COL24A1: variants seen among roughly 807,000 people sequenced by gnomAD.
COL24A1 encodes the protein collagen alpha-1(XXIV) chain.
A neutral mutation model predicts 253.9 loss-of-function variants in COL24A1; 224 were observed. That is an observed-to-expected ratio of 0.88 (90% CI 0.79 to 0.99). The LOEUF (loss-of-function observed/expected upper bound fraction) is 0.99. Ranked by LOEUF, COL24A1 falls within the 50% of genes least tolerant of loss-of-function variation. The pLI is 0.00. For missense variants in COL24A1, 2,131 were observed against 2,068.5 expected, an observed-to-expected ratio of 1.03 and a Z score of -0.59; for synonymous variants, 685 against 673.7, an observed-to-expected ratio of 1.02 and a Z score of -0.26.
At chr1:85,761,661 C>A in intron 53 of COL24A1, 95 bp from the exon 54 acceptor site, 1 of 1,207,762 alleles carries the variant, frequency 8.3e-7, no homozygotes, top group Non-Finnish European at 1.2e-6. Context: ...AACTGCCTTT[C>A]GTGCCAGGCA....
At chr1:86,153,949 T>C (rs1653127918) in intron 1 of COL24A1, 1 of 152,112 alleles carries the variant, frequency 6.6e-6, no homozygotes, top group Non-Finnish European at 1.5e-5. Flanking sequence ...AAAGAAAGTG[T>C]CGTAAAGATC....
At chr1:85,863,902 G>C (rs1426357984) in intron 37 of COL24A1, among the ~76,000 whole-genome samples, 1 of 152,090 alleles carries the variant, frequency 6.6e-6, no homozygotes, top group South Asian at 2.1e-4. Context: ...GAAACAACAA[G>C]TGGGGGAGAG....
At chr1:85,731,353 G>A (rs1663453309) in intron 59 of COL24A1, among the ~76,000 whole-genome samples, 1 of 152,050 alleles carries the variant, frequency 6.6e-6, no homozygotes, top group African/African-American at 2.4e-5. Flanking sequence ...CTGTTATTTA[G>A]GAGCTAATTC....
chr1:85,978,754 T>C (rs1692946802), intron 20 of COL24A1, among the ~76,000 whole-genome samples: 1 of 152,186 alleles, frequency 6.6e-6, no homozygotes, highest in African/African-American at 2.4e-5. Context: ...GGGATGTTGA[T>C]ACTCTACTGA....
At chr1:85,822,633 C>T (rs531605747) in intron 45 of COL24A1, among the ~76,000 whole-genome samples, 1 of 152,288 alleles carries the variant, frequency 6.6e-6, no homozygotes, top group Admixed American at 6.5e-5. Flanking sequence ...CATAGTCAAA[C>T]TACTTTTTCC....
chr1:86,061,677 C>G (rs746786457), intron 8 of COL24A1, among the ~76,000 whole-genome samples: 1 of 152,012 alleles, frequency 6.6e-6, no homozygotes, highest in South Asian at 2.1e-4. Context: ...ATGGCATAAA[C>G]GTATTCTGAG....
chr1:85,973,343 A>T (rs1179739156), intron 20 of COL24A1, among the ~76,000 whole-genome samples: 1 of 152,192 alleles, frequency 6.6e-6, no homozygotes, highest in Non-Finnish European at 1.5e-5. Context: ...TTATTATGGC[A>T]GATGGTCCAT....
intron 24 of COL24A1, among the ~76,000 whole-genome samples, chr1:85,924,474 T>G (rs962981498): frequency 1.3e-5 from 2 of 152,098 alleles, no homozygotes; most frequent in Admixed American, 6.6e-5. Flanking sequence ...TATCCACCAT[T>G]ACCAAGTTGG....
chr1:85,743,032 C>T (rs1347516606), intron 57 of COL24A1, among the ~76,000 whole-genome samples: 1 of 152,116 alleles, frequency 6.6e-6, no homozygotes, highest in African/African-American at 2.4e-5. Flanking sequence ...GGTTTCCCTA[C>T]CTCTACCCCT....
intron 19 of COL24A1, among the ~76,000 whole-genome samples, chr1:85,994,487 G>A (rs1289215866): frequency 6.6e-6 from 1 of 151,454 alleles, no homozygotes; most frequent in Non-Finnish European, 1.5e-5. Flanking sequence ...AAGAATGTAT[G>A]CAGAGGGAGA....
intron 31 of COL24A1, among the ~76,000 whole-genome samples, chr1:85,895,364 A>G (rs1415848371): frequency 3.3e-5 from 5 of 152,198 alleles, no homozygotes; most frequent in Admixed American, 6.5e-5. Flanking sequence ...AAGGAATTCA[A>G]GTTGAGTTAA....
At chr1:85,819,439 T>C (rs1673377210) in intron 45 of COL24A1, among the ~76,000 whole-genome samples, 2 of 152,330 alleles carry the variant, frequency 1.3e-5, no homozygotes, top group East Asian at 1.9e-4. Flanking sequence ...ATATATCTGT[T>C]CTATACTTTT....
At chr1:85,971,276 A>G (rs910718572) in intron 21 of COL24A1, 64 bp downstream of exon 21, 7 of 1,412,584 alleles carry the variant, frequency 5.0e-6, no homozygotes, top group Non-Finnish European at 6.9e-6. Flanking sequence ...CCCACAATAA[A>G]TAAAAAGGGA....
At chr1:86,018,160 A>C (rs912222358) in intron 18 of COL24A1, among the ~76,000 whole-genome samples, 1 of 152,214 alleles carries the variant, frequency 6.6e-6, no homozygotes, top group Non-Finnish European at 1.5e-5. Flanking sequence ...ATGAGCTTCA[A>C]ATTTAATTTA....
chr1:85,957,494 T>C (rs1690584917), intron 24 of COL24A1, among the ~76,000 whole-genome samples: 1 of 152,220 alleles, frequency 6.6e-6, no homozygotes, highest in South Asian at 2.1e-4. Flanking sequence ...AGACAGTCTA[T>C]ATGCCATTTC....
rs891328746 is a variant in COL24A1 at position 85,909,964 on chromosome 1, C to T, written c.2656G>A (p.Glu886Lys). 5 of 1,610,186 alleles carry T rather than the reference C, an allele frequency of 3.1e-6. No individual in the cohort carries two copies. The highest frequency in any genetic ancestry group is 1.7e-4 in the Middle Eastern group (1 of 6,048). Reference sequence around the variant, plus strand: ...TGAGCTCTTACCATAACACCTTTTTCTCCCTGCGGACCTAGTGGGCCTGGA... The same window carrying T: ...TGAGCTCTTACCATAACACCTTTTTTTCCCTGCGGACCTAGTGGGCCTGGA... ...GSPGPLGPQG[E>K]KGVMGYPGPP... Residue 886 changes from glutamate (E) to lysine (K), a missense_variant, in exon 26 of 60, where the codon GAA becomes AAA. Glu to Lys is a moderately conservative substitution (Grantham distance 56, BLOSUM62 1). Coordinates refer to ENST00000370571, the MANE Select transcript of COL24A1 (RefSeq NM_152890.7).
At chr1:86,089,324 C>G in intron 6 of COL24A1, 97 bp from the exon 7 acceptor site, 1 of 944,566 alleles carries the variant, frequency 1.1e-6, no homozygotes, top group East Asian at 2.6e-5. Flanking sequence ...GACATCAGCT[C>G]TTATTACAAT....
chr1:85,929,657 T>G (rs1687619468), intron 24 of COL24A1, among the ~76,000 whole-genome samples: 1 of 33,568 alleles, frequency 3.0e-5, no homozygotes, highest in African/African-American at 1.5e-4. Context: ...ACCACACCTA[T>G]TCCAAAATTG....
chr1:85,904,483 G>A (rs1241693978), intron 28 of COL24A1, among the ~76,000 whole-genome samples: 1 of 152,072 alleles, frequency 6.6e-6, no homozygotes, highest in Non-Finnish European at 1.5e-5. Context: ...TAGAGAATCT[G>A]CTAGCTTATA....
Sources: gnomAD v4.1 joint callset for allele counts (sites outside exome capture counted in the v4.1 genomes callset) on GRCh38, gnomAD v4.1.1 for gene constraint, MANE v1.5 for transcripts, NCBI Gene and HGNC (gene_info 2026-07-23, HGNC 2026-07-21) for gene names.